Variants in PRKAR1B observed in about 807,000 individuals in gnomAD.
The protein encoded by PRKAR1B is protein kinase cAMP-dependent type I regulatory subunit beta.
PRKAR1B carries 22 observed loss-of-function variants against 46.5 expected under a neutral mutation model. The ratio of observed to expected loss-of-function variants is 0.47; its 90% CI spans 0.34 to 0.68. PRKAR1B has a LOEUF of 0.68. PRKAR1B is among the 30% of genes least tolerant of loss of function. PRKAR1B has a pLI of 0.01. For synonymous variants in PRKAR1B, 259 were observed against 217.7 expected (o/e 1.19, Z -1.67); for missense variants, 445 against 535.6 (o/e 0.83, Z 1.67).
intron 1 of PRKAR1B, among the ~76,000 whole-genome samples, chr7:721,052 G>A (rs1781054680): frequency 6.6e-6 from 1 of 152,150 alleles, no homozygotes; most frequent in Non-Finnish European, 1.5e-5. Flanking sequence ...TTATGTTTTT[G>A]AGGATATCAC....
At chr7:591,556 G>A (rs541393822) in intron 7 of PRKAR1B, among the ~76,000 whole-genome samples, 90 of 152,166 alleles carry the variant, frequency 5.9e-4, no homozygotes, top group Admixed American at 1.0e-3. Context: ...AAACTGGAGC[G>A]TTGATAACGG....
At chr7:571,304 C>T (rs576863582) in intron 9 of PRKAR1B, among the ~76,000 whole-genome samples, 17 of 152,330 alleles carry the variant, frequency 1.1e-4, no homozygotes, top group East Asian at 3.9e-4. Flanking sequence ...TGACCCCACC[C>T]GATGACGGGG....
At chr7:611,525 C>T (rs755667495) in intron 4 of PRKAR1B, among the ~76,000 whole-genome samples, 13 of 152,228 alleles carry the variant, frequency 8.5e-5, no homozygotes, top group African/African-American at 2.2e-4. Flanking sequence ...ACACCACTCC[C>T]GATCCTGATG....
upstream of PRKAR1B, among the ~76,000 whole-genome samples, chr7:728,647 T>C (rs1416167652): frequency 2.0e-5 from 3 of 152,210 alleles, no homozygotes; most frequent in African/African-American, 4.8e-5. Context: ...ACCCAGTCTG[T>C]ACATCAGCCC....
intron 4 of PRKAR1B, among the ~76,000 whole-genome samples, chr7:632,439 G>T (rs1213235337): frequency 6.6e-6 from 1 of 152,170 alleles, no homozygotes; most frequent in African/African-American, 2.4e-5. Context: ...CCACCGGGGG[G>T]GTCTTCCCAC....
intron 1 of PRKAR1B, among the ~76,000 whole-genome samples, chr7:723,782 C>A (rs1465137551): frequency 3.3e-5 from 5 of 152,214 alleles, no homozygotes; most frequent in Non-Finnish European, 7.3e-5. Context: ...CATCTGCTCA[C>A]TCCCTGCCTG....
intron 2 of PRKAR1B, among the ~76,000 whole-genome samples, chr7:699,009 C>T (rs996231078): frequency 3.3e-5 from 5 of 152,208 alleles, no homozygotes; most frequent in South Asian, 2.1e-4. Context: ...AGGGCAAAGG[C>T]GGAGAAGCCT....
At chr7:615,970 GAA>G (rs1782797033) in intron 4 of PRKAR1B, among the ~76,000 whole-genome samples, 1 of 149,694 alleles carries the variant, frequency 6.7e-6, no homozygotes, top group African/African-American at 2.5e-5. Flanking sequence ...AAAAGAAACA[GAA>G]AGAGAGAAAG....
intron 4 of PRKAR1B, among the ~76,000 whole-genome samples, chr7:624,947 G>C (rs1583317851): frequency 6.6e-6 from 1 of 152,156 alleles, no homozygotes; most frequent in African/African-American, 2.4e-5. Flanking sequence ...CATCAAACAA[G>C]AGCAGACTAC....
chr7:646,172 A>G (rs962922115), intron 4 of PRKAR1B, among the ~76,000 whole-genome samples: 1 of 152,094 alleles, frequency 6.6e-6, no homozygotes, highest in Admixed American at 6.6e-5. Context: ...CGGCCTCCCA[A>G]GTAGCTGGGA....
At chr7:588,633 A>ATGGTGATGG (rs1268771711) in intron 7 of PRKAR1B, among the ~76,000 whole-genome samples, 1 of 134,376 alleles carries the variant, frequency 7.4e-6, no homozygotes, top group African/African-American at 3.1e-5. Context: ...GATGGTGGTG[A>ATGGTGATGG]TGGTGATGGT....
At chr7:654,752 ATTC>A (rs1404638704) in intron 4 of PRKAR1B, among the ~76,000 whole-genome samples, 4 of 152,064 alleles carry the variant, frequency 2.6e-5, no homozygotes, top group African/African-American at 9.6e-5. Context: ...CGTCACCACC[ATTC>A]TTATCACCTT....
chr7:606,924 A>G (rs1231020454), intron 5 of PRKAR1B, among the ~76,000 whole-genome samples: 1 of 152,184 alleles, frequency 6.6e-6, no homozygotes, highest in African/African-American at 2.4e-5. Context: ...ACATGTACAC[A>G]CATATGTGTG....
At chr7:665,795 A>T (rs2128498458) in intron 4 of PRKAR1B, among the ~76,000 whole-genome samples, 1 of 152,312 alleles carries the variant, frequency 6.6e-6, no homozygotes, top group African/African-American at 2.4e-5. Flanking sequence ...CTGCCCGTGA[A>T]TTCGGCAGAA....
At chr7:638,421 A>C (rs1376221667) in intron 4 of PRKAR1B, among the ~76,000 whole-genome samples, 3 of 152,162 alleles carry the variant, frequency 2.0e-5, no homozygotes, top group Non-Finnish European at 4.4e-5. Context: ...GCCTCGGGAC[A>C]GGTGAAGTCG....
intron 2 of PRKAR1B, among the ~76,000 whole-genome samples, chr7:697,254 G>A (rs894611532): frequency 7.2e-5 from 11 of 152,174 alleles, no homozygotes; most frequent in Non-Finnish European, 1.0e-4. Flanking sequence ...TCTGGGCGGG[G>A]CCTGGGGTGG....
intron 4 of PRKAR1B, among the ~76,000 whole-genome samples, chr7:668,709 A>G (rs17879348): frequency 0.11 from 16,923 of 152,196 alleles, 1,083 homozygotes; most frequent in Middle Eastern, 0.19. Context: ...CTGGACATAA[A>G]CAGCTGGGAT....
chr7:636,302 ACGTCCTCCACCG>A (rs1784072280), intron 4 of PRKAR1B, among the ~76,000 whole-genome samples: 1 of 6,910 alleles, frequency 1.4e-4, no homozygotes. Flanking sequence ...CCGCGCCCTC[ACGTCCTCCACCG>A]GCCGCGCCCA....
chr7:550,499 CA>C lies in PRKAR1B; in HGVS notation c.1076del (p.Leu359ArgfsTer53), dbSNP rs780419719. 6.2e-7 allele frequency: 1 copy of C among 1,601,042 alleles called. No individual in the cohort carries two copies. Among genetic ancestry groups the C allele is most frequent in the Non-Finnish European group, 8.5e-7 (1 of 1,174,438 alleles). ...KLDRPRFERVLGPCSEILKRN... is the reference protein window; with the variant it reads ...KLDRPRFERVXGPCSEILKRN... ...TCTTGAGGATCTCAGAGCAGGGCCC[CA>C]GCACACGCTCGAAGCGGGGCCGGTC... On this transcript the variant is annotated frameshift_variant, in exon 11 of 11. Transcript: ENST00000537384. LOFTEE classifies it high-confidence loss of function.
Sources: gnomAD v4.1 joint callset for allele counts (sites outside exome capture counted in the v4.1 genomes callset) on GRCh38, gnomAD v4.1.1 for gene constraint, MANE v1.5 for transcripts, NCBI Gene and HGNC (gene_info 2026-07-23, HGNC 2026-07-21) for gene names.